TAFA1: variants seen among roughly 807,000 people sequenced by gnomAD.
TAFA1 encodes the protein chemokine-like protein TAFA-1.
A neutral mutation model predicts 18.5 loss-of-function variants in TAFA1; 4 were observed. The ratio of observed to expected loss-of-function variants is 0.22; its 90% CI spans 0.11 to 0.49. The LOEUF is 0.49. TAFA1 is among the 20% of genes least tolerant of loss of function. The probability of loss-of-function intolerance (pLI) is 0.98; values close to 1 mark genes in which losing one functional copy is unlikely to be tolerated. For missense variants in TAFA1, 147 were observed against 169.0 expected (o/e 0.87, Z 0.72); for synonymous variants, 56 against 55.2 (o/e 1.01, Z -0.06).
intron 3 of TAFA1, among the ~76,000 whole-genome samples, chr3:68,472,478 T>A (rs1268407475): frequency 6.6e-6 from 1 of 151,302 alleles, no homozygotes; most frequent in Non-Finnish European, 1.5e-5. Flanking sequence ...GCCTTCTACA[T>A]GTGACAAAGT....
intron 3 of TAFA1, among the ~76,000 whole-genome samples, chr3:68,462,904 G>T (rs1397070024): frequency 1.3e-5 from 2 of 152,172 alleles, no homozygotes; most frequent in African/African-American, 4.8e-5. Context: ...TGTTGTGAGT[G>T]TGATATGTTT....
chr3:68,109,041 G>T (rs561836045), intron 2 of TAFA1, among the ~76,000 whole-genome samples: 4 of 151,904 alleles, frequency 2.6e-5, no homozygotes, highest in Non-Finnish European at 5.9e-5. Context: ...ATATAATGAA[G>T]CTCTAAATGT....
chr3:68,282,177 G>A (rs201687262), intron 2 of TAFA1, among the ~76,000 whole-genome samples: 26 of 152,204 alleles, frequency 1.7e-4, no homozygotes, highest in East Asian at 7.8e-4. Flanking sequence ...ATTCAATTAC[G>A]TCCCATTGGG....
chr3:68,325,620 T>A (rs751494377), intron 2 of TAFA1, among the ~76,000 whole-genome samples: 1 of 152,192 alleles, frequency 6.6e-6, no homozygotes, highest in Non-Finnish European at 1.5e-5. Flanking sequence ...TTTACTTAGG[T>A]CTCATTTTCT....
At chr3:68,286,643 T>C (rs1020550917) in intron 2 of TAFA1, among the ~76,000 whole-genome samples, 15 of 152,196 alleles carry the variant, frequency 9.9e-5, no homozygotes, top group Admixed American at 5.2e-4. Context: ...ATTCAGAAAG[T>C]ATTTTCTGAG....
At chr3:68,097,629 A>G (rs887524323) in intron 2 of TAFA1, among the ~76,000 whole-genome samples, 3 of 152,168 alleles carry the variant, frequency 2.0e-5, no homozygotes, top group African/African-American at 7.2e-5. Context: ...CCCTGCCTGT[A>G]TGTGGCTTAT....
chr3:68,500,748 G>A (rs997390875), intron 3 of TAFA1, among the ~76,000 whole-genome samples: 3 of 151,770 alleles, frequency 2.0e-5, no homozygotes, highest in African/African-American at 7.3e-5. Context: ...AGCAATCACT[G>A]TGACCAGAAG....
chr3:68,157,149 A>G (rs1380783501), intron 2 of TAFA1, among the ~76,000 whole-genome samples: 1 of 152,182 alleles, frequency 6.6e-6, no homozygotes, highest in Non-Finnish European at 1.5e-5. Context: ...GAAAGCTATT[A>G]TTATTATTTG....
chr3:68,455,869 AG>A (rs1261323832), intron 3 of TAFA1, among the ~76,000 whole-genome samples: 1 of 152,134 alleles, frequency 6.6e-6, no homozygotes, highest in African/African-American at 2.4e-5. Flanking sequence ...GTTCTCTCTC[AG>A]GGTTCTCCTA....
intron 2 of TAFA1, among the ~76,000 whole-genome samples, chr3:68,035,340 T>C (rs982482209): frequency 6.6e-6 from 1 of 152,170 alleles, no homozygotes. Flanking sequence ...CAAGGTTCTG[T>C]GTATATTCCC....
At chr3:68,254,854 T>G (rs1575713322) in intron 2 of TAFA1, among the ~76,000 whole-genome samples, 1 of 152,188 alleles carries the variant, frequency 6.6e-6, no homozygotes, top group Non-Finnish European at 1.5e-5. Flanking sequence ...GCTAAATTAA[T>G]CCTGCCAGCA....
At chr3:68,198,198 G>A (rs2107031955) in intron 2 of TAFA1, among the ~76,000 whole-genome samples, 1 of 151,700 alleles carries the variant, frequency 6.6e-6, no homozygotes, top group East Asian at 1.9e-4. Flanking sequence ...TCTGTTTAGA[G>A]CTTGATAGTT....
intron 2 of TAFA1, among the ~76,000 whole-genome samples, chr3:68,087,157 T>A (rs1446203022): frequency 6.6e-6 from 1 of 152,224 alleles, no homozygotes; most frequent in African/African-American, 2.4e-5. Flanking sequence ...TAGAAAGGAA[T>A]AGAATCTAAT....
At chr3:68,142,991 T>C (rs2065688968) in intron 2 of TAFA1, among the ~76,000 whole-genome samples, 4 of 152,032 alleles carry the variant, frequency 2.6e-5, no homozygotes, top group African/African-American at 9.7e-5. Context: ...ACCTTCTTGG[T>C]TTCGATTGCT....
intron 2 of TAFA1, among the ~76,000 whole-genome samples, chr3:68,054,270 G>T (rs1022400843): frequency 6.6e-6 from 1 of 152,064 alleles, no homozygotes; most frequent in Non-Finnish European, 1.5e-5. Flanking sequence ...GGAGCCAGGG[G>T]TCAGGGGAGT....
intron 2 of TAFA1, among the ~76,000 whole-genome samples, chr3:68,095,403 A>G (rs2065076450): frequency 6.6e-6 from 1 of 152,164 alleles, no homozygotes; most frequent in African/African-American, 2.4e-5. Flanking sequence ...GCCTGTAGGC[A>G]CTCAGACATA....
intron 3 of TAFA1, among the ~76,000 whole-genome samples, chr3:68,437,053 A>G (rs2071278594): frequency 6.6e-6 from 1 of 152,220 alleles, no homozygotes. Flanking sequence ...TAGACATGAA[A>G]GAAGTAAGAA....
chr3:68,055,467 G>A (rs112014463), intron 2 of TAFA1, among the ~76,000 whole-genome samples: 6 of 152,012 alleles, frequency 3.9e-5, no homozygotes, highest in East Asian at 1.9e-4. Flanking sequence ...TCCTAGTTTC[G>A]GTAGCTACCT....
chr3:68,285,593 C>A (rs964927093), intron 2 of TAFA1, among the ~76,000 whole-genome samples: 1 of 151,832 alleles, frequency 6.6e-6, no homozygotes, highest in African/African-American at 2.4e-5. Flanking sequence ...TATAAAAAAC[C>A]TTCTGAATAC....
Sources: allele counts gnomAD v4.1 joint callset (sites outside exome capture counted in the v4.1 genomes callset), GRCh38; gene constraint gnomAD v4.1.1; transcripts MANE v1.5; gene names NCBI Gene and HGNC (gene_info 2026-07-23, HGNC 2026-07-21).